Variants in TMEM132D observed in about 807,000 individuals in gnomAD.
The protein encoded by TMEM132D is transmembrane protein 132D.
Under a neutral mutation model 62.3 loss-of-function variants are expected in TMEM132D, and 21 were observed. The observed-to-expected ratio is 0.34, with a 90% CI of 0.24 to 0.49. TMEM132D has a LOEUF of 0.49. Among genes scored for constraint, TMEM132D ranks in the 20% least tolerant of loss-of-function variants. The pLI is 0.99. For missense variants in TMEM132D, 1,346 were observed against 1,402.8 expected, an observed-to-expected ratio of 0.96 and a Z score of 0.65; for synonymous variants, 621 against 575.6, an observed-to-expected ratio of 1.08 and a Z score of -1.13.
intron 1 of TMEM132D, among the ~76,000 whole-genome samples, chr12:129,728,810 A>G (rs1386023485): frequency 6.6e-6 from 1 of 152,186 alleles, no homozygotes; most frequent in Non-Finnish European, 1.5e-5. Flanking sequence ...GCCCAAACTC[A>G]GTGCTTCGGA....
chr12:129,362,880 C>G (rs1466355259), intron 3 of TMEM132D, among the ~76,000 whole-genome samples: 1 of 152,188 alleles, frequency 6.6e-6, no homozygotes, highest in African/African-American at 2.4e-5. Flanking sequence ...GAAAAGGGGT[C>G]TATCTTTGAA....
rs13377923 is a variant in TMEM132D at position 129,863,583 on chromosome 12, C to T, written c.79+39678G>A. Among the ~76,000 whole-genome samples the T allele has an allele frequency of 4.3e-3, 656 of 152,256 alleles. 4 individuals carry two copies. The highest frequency in any genetic ancestry group is 0.015 in the African/African-American group (632 of 41,540). On this transcript the variant is annotated intron_variant, in intron 1 of 8. Coordinates refer to ENST00000422113, the MANE Select transcript of TMEM132D (RefSeq NM_133448.3). ...CCATTCAAGCAAAATATTAGTAAGC[C>T]TTGCTAGTATTACCCTCCGTATAAA...
At chr12:129,437,465 G>A (rs574766755) in intron 3 of TMEM132D, among the ~76,000 whole-genome samples, 9 of 152,250 alleles carry the variant, frequency 5.9e-5, no homozygotes, top group Middle Eastern at 3.4e-3. Flanking sequence ...ATGAATGAAC[G>A]GGCATGGCCA....
chr12:129,262,652 A>G (rs990747454), intron 4 of TMEM132D: 3 of 152,210 alleles, frequency 2.0e-5, no homozygotes, highest in Non-Finnish European at 2.9e-5. Flanking sequence ...CCAACTTTTA[A>G]AACAAGGCAA....
At chr12:129,626,635 T>C (rs903723264) in intron 2 of TMEM132D, among the ~76,000 whole-genome samples, 1 of 152,134 alleles carries the variant, frequency 6.6e-6, no homozygotes, top group Admixed American at 6.5e-5. Flanking sequence ...TTTTGTATTT[T>C]TAGTAGAGAC....
At position 129,757,420 on chromosome 12, in the gene TMEM132D, C is replaced by A. The variant is rs139480568; in HGVS notation, c.80-56722G>T. Among the ~76,000 whole-genome samples the A allele has an allele frequency of 3.9e-5, 6 of 152,086 alleles. No homozygotes were observed. In the East Asian group the frequency reaches 1.2e-3, roughly 29 times the overall value. ...ACTGCGTATCTGTGGTTTCAAATAC[C>A]ATCTATATGCCAATTACTCAAAAAT... On this transcript the variant is annotated intron_variant, in intron 1 of 8. Transcript: ENST00000422113.
At chr12:129,589,845 A>G (rs995766086) in intron 2 of TMEM132D, among the ~76,000 whole-genome samples, 1 of 152,182 alleles carries the variant, frequency 6.6e-6, no homozygotes, top group Admixed American at 6.5e-5. Flanking sequence ...CTGCTGCAAG[A>G]TTAGTGTGAT....
chr12:129,209,149 C>T (rs1878948099), intron 5 of TMEM132D, among the ~76,000 whole-genome samples: 1 of 152,134 alleles, frequency 6.6e-6, no homozygotes, highest in Admixed American at 6.5e-5. Context: ...GCCGCATACC[C>T]ATCCATCTAG....
intron 2 of TMEM132D, among the ~76,000 whole-genome samples, chr12:129,614,516 C>T (rs1245576070): frequency 6.6e-6 from 1 of 152,208 alleles, no homozygotes; most frequent in African/African-American, 2.4e-5. Flanking sequence ...CCTCTTAGTT[C>T]AAACAGTTCT....
intron 3 of TMEM132D, among the ~76,000 whole-genome samples, chr12:129,515,049 C>T (rs1226375466): frequency 1.3e-5 from 2 of 152,208 alleles, no homozygotes; most frequent in African/African-American, 4.8e-5. Flanking sequence ...TCTGGAAGAA[C>T]ATTAACTCTT....
At chr12:129,446,900 A>G (rs1873113638) in intron 3 of TMEM132D, among the ~76,000 whole-genome samples, 1 of 152,246 alleles carries the variant, frequency 6.6e-6, no homozygotes. Context: ...AACTGTCTTT[A>G]GGAAATAAAT....
At chr12:129,866,557 T>A (rs1447818140) in intron 1 of TMEM132D, among the ~76,000 whole-genome samples, 1 of 151,472 alleles carries the variant, frequency 6.6e-6, no homozygotes, top group African/African-American at 2.4e-5. Flanking sequence ...CAAACCCGCA[T>A]GTTGTGCACA....
At chr12:129,295,427 C>CCT (rs1555245484) in intron 4 of TMEM132D, among the ~76,000 whole-genome samples, 1 of 123,024 alleles carries the variant, frequency 8.1e-6, no homozygotes, top group Non-Finnish European at 1.7e-5. Context: ...TCATATTAGC[C>CCT]TTTTTTTTTT....
intron 3 of TMEM132D, among the ~76,000 whole-genome samples, chr12:129,354,141 T>A (rs1414984523): frequency 6.6e-6 from 1 of 152,002 alleles, no homozygotes; most frequent in Non-Finnish European, 1.5e-5. Flanking sequence ...GACCCTGTCC[T>A]TCAGGGCTGA....
intron 1 of TMEM132D, among the ~76,000 whole-genome samples, chr12:129,760,217 T>C (rs755562037): frequency 1.4e-4 from 21 of 152,044 alleles, no homozygotes; most frequent in Admixed American, 1.3e-4. Flanking sequence ...CATCTCCTCT[T>C]TTTGAACACA....
intron 1 of TMEM132D, among the ~76,000 whole-genome samples, chr12:129,760,657 TTTC>T (rs1394923657): frequency 1.4e-5 from 2 of 147,410 alleles, no homozygotes; most frequent in South Asian, 2.4e-4. Context: ...TTTTTTTTTT[TTTC>T]TTTTTTTAAG....
intron 5 of TMEM132D, among the ~76,000 whole-genome samples, chr12:129,119,050 C>G (rs1875981449): frequency 6.6e-6 from 1 of 152,186 alleles, no homozygotes; most frequent in South Asian, 2.1e-4. Context: ...CTGCCCTTGC[C>G]TTTTAAGCAT....
chr12:129,703,318 G>A lies in TMEM132D; in HGVS notation c.80-2620C>T, dbSNP rs900360530. Among the ~76,000 whole-genome samples, 13 of 152,160 alleles carry A rather than the reference G, an allele frequency of 8.5e-5. 1 individual carries two copies. In the South Asian group the frequency reaches 1.0e-3, roughly 12 times the overall value. The stretch of plus-strand genomic sequence containing the variant: ...TATTCAGGAAAGCAATAAGGCAATC[G>A]GGGTCACTGTGAACATCATTTGAAG... On this transcript the variant is annotated intron_variant, in intron 1 of 8. Coordinates refer to ENST00000422113, the MANE Select transcript of TMEM132D (RefSeq NM_133448.3).
chr12:129,586,400 A>G (rs1878031702), intron 2 of TMEM132D, among the ~76,000 whole-genome samples: 1 of 152,220 alleles, frequency 6.6e-6, no homozygotes, highest in Non-Finnish European at 1.5e-5. Context: ...GTTTTTGGCT[A>G]TAGTGTCTTA....
Sources: gnomAD v4.1 joint callset for allele counts (sites outside exome capture counted in the v4.1 genomes callset) on GRCh38, gnomAD v4.1.1 for gene constraint, MANE v1.5 for transcripts, NCBI Gene and HGNC (gene_info 2026-07-23, HGNC 2026-07-21) for gene names.